CORO2B: variants seen among roughly 807,000 people sequenced by gnomAD.
The protein encoded by CORO2B is coronin-2B.
A neutral mutation model predicts 58.8 loss-of-function variants in CORO2B; 26 were observed. That is an observed-to-expected ratio of 0.44 (90% CI 0.32 to 0.61). The LOEUF (loss-of-function observed/expected upper bound fraction) is 0.61. CORO2B is among the 20% of genes least tolerant of loss of function. The pLI is 0.04. For missense variants in CORO2B, 460 were observed against 645.1 expected (o/e 0.71, Z 3.11); for synonymous variants, 242 against 253.8 (o/e 0.95, Z 0.44).
chr15:68,634,472 A>G (rs1900965057), intron 1 of CORO2B, among the ~76,000 whole-genome samples: 1 of 152,216 alleles, frequency 6.6e-6, no homozygotes, highest in South Asian at 2.1e-4. Context: ...CTATCCTAGG[A>G]AAAATATGAA....
intron 3 of CORO2B, among the ~76,000 whole-genome samples, chr15:68,705,734 C>T (rs906164334): frequency 1.3e-5 from 2 of 152,176 alleles, no homozygotes; most frequent in African/African-American, 2.4e-5. Context: ...GGGCTTAGCC[C>T]CTAGGCTCCT....
intron 1 of CORO2B, among the ~76,000 whole-genome samples, chr15:68,586,282 A>G (rs1422171591): frequency 1.3e-5 from 2 of 152,166 alleles, no homozygotes; most frequent in African/African-American, 2.4e-5. Flanking sequence ...AGGAAGACAG[A>G]AAATTAATGA....
At chr15:68,570,470 C>T in the CORO2B span, among the ~76,000 whole-genome samples, 2 of 152,136 alleles carry the variant, frequency 1.3e-5, no homozygotes, top group Non-Finnish European at 1.5e-5. Context: ...CGTAAGACAT[C>T]GAAGGAAACT....
chr15:68,702,632 G>T (rs1344270781), intron 3 of CORO2B, among the ~76,000 whole-genome samples: 3 of 151,910 alleles, frequency 2.0e-5, no homozygotes, highest in Admixed American at 6.6e-5. Flanking sequence ...GAGCCTCCTG[G>T]CCCCTAAGCA....
intron 1 of CORO2B, among the ~76,000 whole-genome samples, chr15:68,596,205 G>A (rs775691797): frequency 3.9e-5 from 6 of 152,128 alleles, no homozygotes; most frequent in Non-Finnish European, 8.8e-5. Flanking sequence ...CACTGTGCCC[G>A]TGACCCTAGG....
the CORO2B span, among the ~76,000 whole-genome samples, chr15:68,568,662 G>A: frequency 2.3e-4 from 35 of 152,198 alleles, no homozygotes; most frequent in Admixed American, 1.6e-3. Flanking sequence ...CTCATTTACC[G>A]CAGCCTGAGA....
At chr15:68,575,578 C>CCT (rs1899267096), upstream of CORO2B, among the ~76,000 whole-genome samples, 1 of 8,258 alleles carries the variant, frequency 1.2e-4, no homozygotes, top group Non-Finnish European at 4.0e-4. Flanking sequence ...TTGTGATCTG[C>CCT]CCCCGCCTCG....
chr15:68,632,365 T>C (rs1900864705), intron 1 of CORO2B: 1 of 985,316 alleles, frequency 1.0e-6, no homozygotes, highest in South Asian at 4.7e-5. Flanking sequence ...ATAAAACGCA[T>C]TCAGCTCGGT....
the CORO2B span, among the ~76,000 whole-genome samples, chr15:68,563,651 T>A: frequency 0.033 from 5,050 of 152,028 alleles, 134 homozygotes; most frequent in Middle Eastern, 0.078. Context: ...CTAGACTGAT[T>A]AAGAAAAAGG....
rs567647518 is a variant in CORO2B at position 68,604,350 on chromosome 15, A to G, written c.15+25073A>G. Among the ~76,000 whole-genome samples the G allele has an allele frequency of 8.0e-3, 1,217 of 152,098 alleles. 14 individuals are homozygous for G. The highest frequency in any genetic ancestry group is 0.028 in the South Asian group (135 of 4,802). ...CCACCCCCAAACCGCCTTTCCTACC[A>G]CGAGCAGAACAAGTGTGTTCCTGAA... On this transcript the variant is annotated intron_variant, in intron 1 of 11. Transcript: ENST00000261861.
Position 68,718,806 on chromosome 15 carries a change from G to A in CORO2B, c.1076G>A (p.Arg359Gln), listed in dbSNP as rs267604301. ...GAGCCCATCTCCATGATCGTGCCCC[G>A]GAGGGTAAGTGGGGCTGGGCTGGGC... is the stretch of plus-strand genomic sequence containing the variant. ...LIEPISMIVP[R>Q]RSDSYQEDIY... The change falls in exon 9 of 12, where the codon CGG becomes CAG. Residue 359 changes from arginine to glutamine, a missense_variant. Arg to Gln is a conservative substitution (Grantham distance 43). Around this residue, in one of 2 missense-constraint regions of CORO2B, gnomAD observed 352 missense variants for 543.0 expected, o/e 0.65. Coordinates refer to ENST00000261861, the MANE Select transcript of CORO2B (RefSeq NM_006091.5). The A allele has an allele frequency of 1.4e-5, 22 of 1,613,224 alleles. No individual in the cohort carries two copies. The highest frequency in any genetic ancestry group is 1.7e-5 in the Non-Finnish European group (20 of 1,179,382).
At chr15:68,722,102 G>A (rs1893176100) in intron 11 of CORO2B, among the ~76,000 whole-genome samples, 1 of 152,130 alleles carries the variant, frequency 6.6e-6, no homozygotes. Flanking sequence ...GAGACACAGG[G>A]GTCATTGTGA....
chr15:68,607,779 C>T (rs1900161034), intron 1 of CORO2B, among the ~76,000 whole-genome samples: 1 of 149,542 alleles, frequency 6.7e-6, no homozygotes, highest in Admixed American at 6.7e-5. Flanking sequence ...GATTGTGTTA[C>T]TACACTCCAG....
intron 1 of CORO2B, among the ~76,000 whole-genome samples, chr15:68,587,701 A>G (rs1899602645): frequency 6.6e-6 from 1 of 152,180 alleles, no homozygotes; most frequent in African/African-American, 2.4e-5. Context: ...AATATGTTTT[A>G]TATGTATTAA....
At chr15:68,707,823 C>T (rs1419300625) in intron 3 of CORO2B, among the ~76,000 whole-genome samples, 1 of 152,136 alleles carries the variant, frequency 6.6e-6, no homozygotes, top group Non-Finnish European at 1.5e-5. Flanking sequence ...GCTTGTTCCC[C>T]CTGCACCCTC....
At chr15:68,531,994 A>G in the CORO2B span, among the ~76,000 whole-genome samples, 1 of 151,990 alleles carries the variant, frequency 6.6e-6, no homozygotes. Context: ...CTTTCATTGT[A>G]TTCTAATATG....
chr15:68,671,530 T>C (rs556084397), intron 2 of CORO2B, among the ~76,000 whole-genome samples: 11 of 152,224 alleles, frequency 7.2e-5, no homozygotes, highest in Non-Finnish European at 1.5e-4. Context: ...TACCCCAAAA[T>C]GTGGCTGGGT....
rs116052705 is a variant in CORO2B at position 68,668,116 on chromosome 15, C to T, written c.216+22756C>T. Among the ~76,000 whole-genome samples, 507 of 152,262 alleles carry T rather than the reference C, an allele frequency of 3.3e-3. 3 individuals carry two copies. Among genetic ancestry groups the T allele is most frequent in the African/African-American group, 0.012 (487 of 41,538 alleles). On this transcript the variant is annotated intron_variant, in intron 2 of 11. Transcript: ENST00000261861. The stretch of plus-strand genomic sequence containing the variant: ...GAAACAGGTATAGCTTATACAAAGT[C>T]GCACAGCTGGGAAGTGCTGGAACTG...
intron 1 of CORO2B, among the ~76,000 whole-genome samples, chr15:68,627,865 G>T (rs1485070863): frequency 1.3e-5 from 2 of 152,004 alleles, no homozygotes; most frequent in African/African-American, 4.8e-5. Context: ...ACGCCTCCCT[G>T]TATCATAGCT....
Sources: allele counts gnomAD v4.1 joint callset (sites outside exome capture counted in the v4.1 genomes callset), GRCh38; gene constraint gnomAD v4.1.1; regional missense constraint gnomAD v4.1.1; transcripts MANE v1.5; gene names NCBI Gene and HGNC (gene_info 2026-07-23, HGNC 2026-07-21).